GLE1: variants seen among roughly 807,000 people sequenced by gnomAD.
GLE1 encodes the protein mRNA export factor GLE1.
In GLE1, 78 loss-of-function variants were observed where a neutral mutation model predicts 97.3. That is an observed-to-expected ratio of 0.80 (90% CI 0.67 to 0.97). The LOEUF (loss-of-function observed/expected upper bound fraction) is 0.97. Ranked by LOEUF, GLE1 falls within the 50% of genes least tolerant of loss-of-function variation. The probability of loss-of-function intolerance (pLI) is 0.00; values close to 1 mark genes in which losing one functional copy is unlikely to be tolerated. For missense variants in GLE1, 753 were observed against 857.5 expected (o/e 0.88, Z 1.52); for synonymous variants, 302 against 313.4 (o/e 0.96, Z 0.39).
intron 3 of GLE1, among the ~76,000 whole-genome samples, chr9:128,522,211 G>A (rs1389920846): frequency 1.3e-5 from 2 of 152,166 alleles, no homozygotes; most frequent in African/African-American, 2.4e-5. Context: ...CAAAACAGCT[G>A]AGCTTAAAGA....
At chr9:128,516,205 GC>G (rs1232575827) in intron 3 of GLE1, among the ~76,000 whole-genome samples, 1 of 152,068 alleles carries the variant, frequency 6.6e-6, no homozygotes, top group Non-Finnish European at 1.5e-5. Flanking sequence ...TGATTCACCT[GC>G]CTCAGCCTCC....
chr9:128,518,608 A>C (rs1353011132), intron 3 of GLE1, among the ~76,000 whole-genome samples: 2 of 151,810 alleles, frequency 1.3e-5, no homozygotes, highest in East Asian at 3.9e-4. Flanking sequence ...GGTGGCTTGC[A>C]CTGGTAATCC....
At chr9:128,516,006 G>A (rs1846976188) in intron 3 of GLE1, among the ~76,000 whole-genome samples, 1 of 150,236 alleles carries the variant, frequency 6.7e-6, no homozygotes, top group South Asian at 2.1e-4. Flanking sequence ...GGCTGGACTG[G>A]ACTACAGTGG....
At chr9:128,537,554 A>C (rs1410585963) in intron 12 of GLE1, among the ~76,000 whole-genome samples, 2 of 151,636 alleles carry the variant, frequency 1.3e-5, no homozygotes, top group African/African-American at 4.8e-5. Context: ...CTGTAATCCC[A>C]GCCCTTTAGG....
intron 4 of GLE1, 91 bp downstream of exon 4, chr9:128,522,907 C>G: frequency 7.1e-7 from 1 of 1,398,852 alleles, no homozygotes; most frequent in Non-Finnish European, 1.0e-6. Context: ...AGTTGAACAA[C>G]TTCTGAGTCC....
At chr9:128,520,318 A>G (rs998299709) in intron 3 of GLE1, among the ~76,000 whole-genome samples, 2 of 148,436 alleles carry the variant, frequency 1.3e-5, no homozygotes, top group Non-Finnish European at 3.0e-5. Flanking sequence ...ATGTGTATAT[A>G]TGTATATGTG....
At chr9:128,520,569 C>G (rs933938874) in intron 3 of GLE1, among the ~76,000 whole-genome samples, 1 of 151,724 alleles carries the variant, frequency 6.6e-6, no homozygotes, top group Non-Finnish European at 1.5e-5. Flanking sequence ...CCGGTAGCTC[C>G]GTTTTCAGCC....
At chr9:128,531,889 C>T (rs1403861845) in intron 9 of GLE1, among the ~76,000 whole-genome samples, 1 of 147,066 alleles carries the variant, frequency 6.8e-6, no homozygotes, top group Non-Finnish European at 1.5e-5. Flanking sequence ...TAGAAGAAAT[C>T]TTAAATAAGG....
chr9:128,505,128 T>G (rs1005935597), intron 1 of GLE1, among the ~76,000 whole-genome samples: 1 of 152,224 alleles, frequency 6.6e-6, no homozygotes, highest in Non-Finnish European at 1.5e-5. Flanking sequence ...CCCCGCGCTC[T>G]GAAGGCTTCA....
chr9:128,525,810 C>A (rs1161237318), intron 7 of GLE1, among the ~76,000 whole-genome samples: 2 of 152,046 alleles, frequency 1.3e-5, no homozygotes, highest in Non-Finnish European at 2.9e-5. Flanking sequence ...CCTGTAGTCC[C>A]AGCTACTCGG....
At position 128,533,845 on chromosome 9, in the gene GLE1, C is replaced by T. The variant is rs751233517; in HGVS notation, c.1540C>T (p.Pro514Ser). ...VVASGIWELH[P>S]RVGDLILAHL... ...GGCATCCGGGATCTGGGAGCTCCAC[C>T]CCAGAGTGGGGGACCTCATTCTTGC... Residue 514 changes from proline to serine, a missense_variant, in exon 11 of 16, where the codon CCC becomes TCC. Physicochemically the swap from Pro to Ser is moderately conservative, Grantham distance 74. Transcript: ENST00000309971. The T allele has an allele frequency of 2.5e-6, 4 of 1,613,310 alleles. No individual in the cohort carries two copies. In the South Asian group the frequency reaches 3.3e-5, roughly 13 times the overall value.
At chr9:128,533,447 AAAAAAGG>A (rs1847587467) in intron 9 of GLE1, 59 bp from the exon 10 acceptor site, 1 of 1,158,740 alleles carries the variant, frequency 8.6e-7, no homozygotes. Context: ...AAAAAAAAAA[AAAAAAGG>A]AAAAGAAAAA....
intron 3 of GLE1, among the ~76,000 whole-genome samples, chr9:128,515,881 A>G (rs567531327): frequency 3.4e-4 from 52 of 151,448 alleles, no homozygotes; most frequent in Non-Finnish European, 6.5e-4. Flanking sequence ...GCTTCCATTT[A>G]CTTCTCCAAA....
At chr9:128,534,793 A>G (rs972833403) in intron 11 of GLE1, among the ~76,000 whole-genome samples, 1 of 151,598 alleles carries the variant, frequency 6.6e-6, no homozygotes, top group Non-Finnish European at 1.5e-5. Flanking sequence ...ATCTCAGCTC[A>G]CTGCAACCTC....
intron 3 of GLE1, among the ~76,000 whole-genome samples, chr9:128,519,243 G>T (rs1223433706): frequency 1.3e-5 from 2 of 152,148 alleles, no homozygotes; most frequent in Non-Finnish European, 2.9e-5. Flanking sequence ...CTTGAAAAAA[G>T]AACAGGATAA....
chr9:128,523,829 A>G lies in GLE1; in HGVS notation c.880A>G (p.Ile294Val). ...NQLCSLISGI[I>V]RASSESSYPT... ...GCTGTGCAGCCTCATCTCAGGGATC[A>G]TCCGGGCCTCTTCAGAGGTGAGGGG... Residue 294 changes from isoleucine (I) to valine (V), a missense_variant, in exon 6 of 16, where the codon ATC becomes GTC. Coordinates refer to ENST00000309971, the MANE Select transcript of GLE1 (RefSeq NM_001003722.2). 6.2e-7 allele frequency: 1 copy of G among 1,614,042 alleles called. No individual in the cohort carries two copies. Among genetic ancestry groups the G allele is most frequent in the South Asian group, 1.1e-5 (1 of 91,074 alleles).
At chr9:128,532,037 C>CTTTT (rs914370236) in intron 9 of GLE1, among the ~76,000 whole-genome samples, 1 of 141,974 alleles carries the variant, frequency 7.0e-6, no homozygotes, top group Non-Finnish European at 1.6e-5. Flanking sequence ...ACATGGTTGG[C>CTTTT]TTTTTTTTTT....
At chr9:128,516,228 G>C (rs931922174) in intron 3 of GLE1, among the ~76,000 whole-genome samples, 1 of 152,188 alleles carries the variant, frequency 6.6e-6, no homozygotes, top group African/African-American at 2.4e-5. Context: ...AAGGTGCTGG[G>C]ATTACAGGCA....
At chr9:128,523,211 GAAAA>G in intron 4 of GLE1, 65 bp from the exon 5 acceptor site, 7 of 1,165,382 alleles carry the variant, frequency 6.0e-6, no homozygotes, top group Non-Finnish European at 9.1e-6. Context: ...GAGAGGGAGA[GAAAA>G]GAAAGAAAGA....
Sources: allele counts gnomAD v4.1 joint callset (sites outside exome capture counted in the v4.1 genomes callset), GRCh38; gene constraint gnomAD v4.1.1; transcripts MANE v1.5; gene names NCBI Gene and HGNC (gene_info 2026-07-23, HGNC 2026-07-21).